The following PPIL2 variants were observed in gnomAD, a reference collection of about 807,000 sequenced individuals.
The protein encoded by PPIL2 is RING-type E3 ubiquitin-protein ligase PPIL2.
A neutral mutation model predicts 75.2 loss-of-function variants in PPIL2; 50 were observed. That is an observed-to-expected ratio of 0.66 (90% CI 0.53 to 0.84). The LOEUF (loss-of-function observed/expected upper bound fraction) is 0.84. Ranked by LOEUF, PPIL2 falls within the 40% of genes least tolerant of loss-of-function variation. The pLI is 0.00. For synonymous variants in PPIL2, 245 were observed against 258.8 expected (o/e 0.95, Z 0.51); for missense variants, 590 against 685.0 (o/e 0.86, Z 1.55).
chr22:21,681,391 G>A lies in PPIL2; in HGVS notation c.387+1G>A. The A allele has an allele frequency of 6.2e-7, 1 of 1,610,570 alleles. No individual in the cohort carries two copies. Among genetic ancestry groups the A allele is most frequent in the Non-Finnish European group, 8.5e-7 (1 of 1,176,726 alleles). ...GACCGGCAACGTCTACGCCTATGAG[G>A]TGTGTCCTCGCTCCGGGGCGTGGAG... On this transcript the variant is annotated splice_donor_variant, in intron 7 of 19. Transcript: ENST00000398831. LOFTEE classifies it high-confidence loss of function.
intron 15 of PPIL2, 23 bp downstream of exon 15, chr22:21,688,872 G>A (rs1321092837): frequency 2.6e-5 from 42 of 1,608,290 alleles, no homozygotes; most frequent in Non-Finnish European, 3.6e-5. Flanking sequence ...GGCTTGCTGG[G>A]GTGGCCTGGG....
intron 14 of PPIL2, among the ~76,000 whole-genome samples, 184 bp downstream of exon 14, chr22:21,688,290 C>T (rs533654144): frequency 1.3e-5 from 2 of 152,184 alleles, no homozygotes; most frequent in Non-Finnish European, 2.9e-5. Context: ...TTCCAGGTGG[C>T]TGTGAGGCCT....
intron 4 of PPIL2, among the ~76,000 whole-genome samples, 166 bp from the exon 5 acceptor site, chr22:21,672,164 T>A (rs916811005): frequency 2.6e-5 from 4 of 152,208 alleles, no homozygotes; most frequent in Admixed American, 6.5e-5. Context: ...TATCCACAAA[T>A]ATCCCCCAAC....
chr22:21,681,108 A>G (rs1033372849), intron 6 of PPIL2, among the ~76,000 whole-genome samples, 191 bp from the exon 7 acceptor site: 19 of 152,204 alleles, frequency 1.2e-4, no homozygotes, highest in Middle Eastern at 3.4e-3. Context: ...GGAGTTTCCT[A>G]ACGGTGTGGA....
At chr22:21,667,400 C>T (rs970102543) in intron 1 of PPIL2, among the ~76,000 whole-genome samples, 1 of 152,042 alleles carries the variant, frequency 6.6e-6, no homozygotes, top group African/African-American at 2.4e-5. Context: ...AGGTGATCCA[C>T]CTGCCTCGGC....
intron 13 of PPIL2, among the ~76,000 whole-genome samples, 164 bp from the exon 14 acceptor site, chr22:21,687,909 C>T (rs930813812): frequency 1.3e-5 from 2 of 152,228 alleles, no homozygotes; most frequent in African/African-American, 4.8e-5. Context: ...CCAGCCCATC[C>T]AGAACTGGGT....
chr22:21,692,330 AT>A (rs370700687), intron 15 of PPIL2, among the ~76,000 whole-genome samples: 7 of 151,370 alleles, frequency 4.6e-5, no homozygotes, highest in East Asian at 2.0e-4. Flanking sequence ...AATTTTTTGT[AT>A]TTTTAGTAGA....
chr22:21,684,570 G>A (rs2067274361), intron 9 of PPIL2, among the ~76,000 whole-genome samples, 183 bp from the exon 10 acceptor site: 1 of 151,412 alleles, frequency 6.6e-6, no homozygotes, highest in Non-Finnish European at 1.5e-5. Context: ...TGAGACCCTT[G>A]TGAACTGCCT....
At position 21,688,114 on chromosome 22, in the gene PPIL2, C is replaced by A. The variant is rs758141549; in HGVS notation, c.1021+8C>A. ...CCACAGGCACAGGCACGGGTAGGTACTGGTGCTGGGCCCCTCTCTGGGCAC... is the reference window on the plus strand; with the variant it reads ...CCACAGGCACAGGCACGGGTAGGTAATGGTGCTGGGCCCCTCTCTGGGCAC... On this transcript the variant is annotated splice_region_variant and intron_variant, in intron 14 of 19. Coordinates refer to ENST00000398831, the MANE Select transcript of PPIL2 (RefSeq NM_014337.4). 6 of 1,614,202 alleles carry A rather than the reference C, an allele frequency of 3.7e-6. No homozygotes were observed. The highest frequency in any genetic ancestry group is 5.1e-6 in the Non-Finnish European group (6 of 1,180,038).
chr22:21,687,516 G>A, intron 12 of PPIL2, 127 bp from the exon 13 acceptor site: 1 of 649,146 alleles, frequency 1.5e-6, no homozygotes, highest in Non-Finnish European at 2.5e-6. Context: ...TCGCGCCACA[G>A]CACTCCAGCC....
At chr22:21,671,116 G>T in intron 4 of PPIL2, 57 bp downstream of exon 4, 1 of 1,528,456 alleles carries the variant, frequency 6.5e-7, no homozygotes. Flanking sequence ...CACCCATTAA[G>T]GAAGGGGACC....
Position 21,697,040 on chromosome 22 carries a change from C to T in PPIL2, c.*1550C>T. 1.3e-6 allele frequency: 2 copies of T among 1,518,620 alleles called. No homozygotes were observed. The highest frequency in any genetic ancestry group is 1.8e-6 in the Non-Finnish European group (2 of 1,125,148). The allele number at this position is 1,518,620 out of a possible 1,614,324, so 94.1% of individuals were successfully genotyped here. ...TGCAGCCTGTCATCCCTGTCTGTGA[C>T]CATTGGTCGGGCCCCTGGGCTCTAG... On this transcript the variant is annotated 3_prime_UTR_variant, in exon 20 of 20. Transcript: ENST00000398831.
At chr22:21,684,454 C>CAAAAAAAAAAAAAAAAAA (rs1028354500) in intron 9 of PPIL2, among the ~76,000 whole-genome samples, 3 of 47,524 alleles carry the variant, frequency 6.3e-5, no homozygotes, top group African/African-American at 9.2e-5. Context: ...TCCATCTCCA[C>CAAAAAAAAAAAAAAAAAA]AAAAAAAAAA....
Position 21,695,034 on chromosome 22 carries a change from G to A in PPIL2, c.1430G>A (p.Arg477His), listed in dbSNP as rs146844381. 1.1e-5 allele frequency: 18 copies of A among 1,611,732 alleles called. No homozygotes were observed. Among genetic ancestry groups the A allele is most frequent in the African/African-American group, 1.3e-5 (1 of 74,938 alleles). Reference protein sequence around the residue: ...QAGSQGPQTFRQGVGKYINPA... With the variant: ...QAGSQGPQTFHQGVGKYINPA... Reference sequence around the variant, plus strand: ...GGGAGCCAGGGCCCCCAGACCTTCCGCCAGGGCGTGGGCAAGTACATCAAC... The same window carrying A: ...GGGAGCCAGGGCCCCCAGACCTTCCACCAGGGCGTGGGCAAGTACATCAAC... The change falls in exon 19 of 20, where the codon CGC (arginine) becomes CAC (histidine). Residue 477 changes from arginine (R) to histidine (H), a missense_variant. Coordinates refer to ENST00000398831, the MANE Select transcript of PPIL2 (RefSeq NM_014337.4).
At chr22:21,669,238 T>C in intron 1 of PPIL2, 1 of 303,844 alleles carries the variant, frequency 3.3e-6, no homozygotes, top group Non-Finnish European at 7.1e-6. Context: ...CACAGCTCAC[T>C]GCAGCCTCAA....
At position 21,696,372 on chromosome 22, in the gene PPIL2, C is replaced by T. The variant is rs1443311533; in HGVS notation, c.*882C>T. 1 of 1,145,958 alleles carries T rather than the reference C, an allele frequency of 8.7e-7. No individual in the cohort carries two copies. Among genetic ancestry groups the T allele is most frequent in the Non-Finnish European group, 1.1e-6 (1 of 924,068 alleles). 71.0% of individuals were successfully genotyped at this position (1,145,958 alleles called of 1,614,324 possible). A position where few individuals can be genotyped will look rare whatever the true frequency, so the allele number is the denominator to read the frequency against. On this transcript the variant is annotated 3_prime_UTR_variant, in exon 20 of 20. Transcript: ENST00000398831. ...TCCTGCTGTGAGAACAAGTGGATGT[C>T]CCTCTCCCCGCCCTCCTGCTGAAGT... is the stretch of plus-strand genomic sequence containing the variant.
At position 21,695,663 on chromosome 22, in the gene PPIL2, A is replaced by T. The variant is rs1284823640; in HGVS notation, c.*173A>T. 1.4e-6 allele frequency: 2 copies of T among 1,420,042 alleles called. No homozygotes were observed. The highest frequency in any genetic ancestry group is 1.8e-6 in the Non-Finnish European group (2 of 1,084,430). 88.0% of individuals were successfully genotyped at this position (1,420,042 alleles called of 1,614,324 possible). A position where few individuals can be genotyped will look rare whatever the true frequency, so the allele number is the denominator to read the frequency against. ...GAGCCCACAGCCTTCCCATCCCTTAACCTGTTGCCAAGGGCCTTGGCCCTG... is the reference window on the plus strand; with the variant it reads ...GAGCCCACAGCCTTCCCATCCCTTATCCTGTTGCCAAGGGCCTTGGCCCTG... On this transcript the variant is annotated 3_prime_UTR_variant, in exon 20 of 20. Coordinates refer to ENST00000398831, the MANE Select transcript of PPIL2 (RefSeq NM_014337.4).
chr22:21,689,475 G>A (rs1168784941), intron 15 of PPIL2, among the ~76,000 whole-genome samples: 1 of 151,198 alleles, frequency 6.6e-6, no homozygotes, highest in African/African-American at 2.4e-5. Flanking sequence ...TGATACTTTT[G>A]TAAATGGACT....
chr22:21,681,834 G>C (rs557740056), intron 7 of PPIL2, among the ~76,000 whole-genome samples: 73 of 152,298 alleles, frequency 4.8e-4, no homozygotes, highest in African/African-American at 1.5e-3. Context: ...AGGGGAGACA[G>C]CCGTGTTCAC....
Sources: allele counts gnomAD v4.1 joint callset (sites outside exome capture counted in the v4.1 genomes callset), GRCh38; gene constraint gnomAD v4.1.1; transcripts MANE v1.5; gene names NCBI Gene and HGNC (gene_info 2026-07-23, HGNC 2026-07-21).